LINGO2: variants seen among roughly 807,000 people sequenced by gnomAD.
The protein encoded by LINGO2 is leucine-rich repeat and immunoglobulin-like domain-containing nogo receptor-interacting protein 2.
In LINGO2, 14 loss-of-function variants were observed where a neutral mutation model predicts 30.6. That is an observed-to-expected ratio of 0.46 (90% CI 0.30 to 0.72). LINGO2 has a LOEUF of 0.72. Among genes scored for constraint, LINGO2 ranks in the 30% least tolerant of loss-of-function variants. The pLI is 0.07. For synonymous variants in LINGO2, 317 were observed against 288.5 expected (o/e 1.10, Z -1.00); for missense variants, 729 against 751.7 (o/e 0.97, Z 0.35).
chr9:28,419,462 G>C (rs1308999254), intron 2 of LINGO2, among the ~76,000 whole-genome samples: 1 of 152,002 alleles, frequency 6.6e-6, no homozygotes, highest in Non-Finnish European at 1.5e-5. Context: ...AATGTAAGCT[G>C]TTGTATAAAG....
chr9:28,853,896 A>G, the LINGO2 span, among the ~76,000 whole-genome samples: 1 of 151,940 alleles, frequency 6.6e-6, no homozygotes, highest in Non-Finnish European at 1.5e-5. Context: ...AAACTGTATC[A>G]CCTACCTATA....
At chr9:28,077,695 G>A (rs1265335973) in intron 4 of LINGO2, among the ~76,000 whole-genome samples, 1 of 147,870 alleles carries the variant, frequency 6.8e-6, no homozygotes, top group Non-Finnish European at 1.5e-5. Flanking sequence ...GAGTAGAAAA[G>A]ATGCAAAAAA....
the LINGO2 span, among the ~76,000 whole-genome samples, chr9:29,127,126 C>T: frequency 3.0e-4 from 46 of 152,172 alleles, no homozygotes; most frequent in African/African-American, 9.6e-4. Context: ...AAGTAACCAA[C>T]GGGAAACCTC....
At chr9:28,055,414 G>A (rs1395106504) in intron 4 of LINGO2, among the ~76,000 whole-genome samples, 1 of 152,096 alleles carries the variant, frequency 6.6e-6, no homozygotes, top group African/African-American at 2.4e-5. Context: ...TTTAGCTATT[G>A]CCACATTTCT....
At chr9:28,503,811 G>C (rs1162222331) in intron 1 of LINGO2, among the ~76,000 whole-genome samples, 4 of 151,754 alleles carry the variant, frequency 2.6e-5, no homozygotes, top group Non-Finnish European at 4.4e-5. Flanking sequence ...GAATTAATTA[G>C]TGGGAACATT....
intron 1 of LINGO2, among the ~76,000 whole-genome samples, chr9:28,587,556 G>C (rs1428735915): frequency 3.3e-5 from 5 of 151,818 alleles, no homozygotes; most frequent in Admixed American, 3.3e-4. Context: ...CTGACTGTAG[G>C]ACACCCAGGG....
intron 4 of LINGO2, among the ~76,000 whole-genome samples, chr9:28,054,345 T>TA (rs1246154485): frequency 6.6e-6 from 1 of 152,146 alleles, no homozygotes; most frequent in African/African-American, 2.4e-5. Flanking sequence ...TGGCTATTTT[T>TA]AACACTTTTA....
the LINGO2 span, among the ~76,000 whole-genome samples, chr9:29,082,984 G>C: frequency 6.6e-6 from 1 of 152,146 alleles, no homozygotes. Context: ...CACTGTTGGT[G>C]GGACTGTAAA....
At chr9:27,996,278 C>T (rs1356302362) in intron 5 of LINGO2, among the ~76,000 whole-genome samples, 1 of 152,144 alleles carries the variant, frequency 6.6e-6, no homozygotes, top group African/African-American at 2.4e-5. Context: ...CCAAAAATCT[C>T]ACTGCTGTGT....
chr9:28,312,432 C>G (rs1162958435), intron 3 of LINGO2, among the ~76,000 whole-genome samples: 2 of 151,560 alleles, frequency 1.3e-5, no homozygotes, highest in Admixed American at 1.3e-4. Flanking sequence ...TTAAAATTTT[C>G]AGGAAAAAAT....
At chr9:29,176,710 AC>A in the LINGO2 span, among the ~76,000 whole-genome samples, 6 of 152,356 alleles carry the variant, frequency 3.9e-5, no homozygotes, top group South Asian at 2.1e-4. Context: ...TAGGCAATGT[AC>A]TAGGAAGTAC....
the LINGO2 span, among the ~76,000 whole-genome samples, chr9:28,696,993 T>C: frequency 3.9e-5 from 6 of 152,062 alleles, no homozygotes; most frequent in South Asian, 1.2e-3. Flanking sequence ...TGTTTGTTTA[T>C]CTATTTTTCA....
intron 5 of LINGO2, among the ~76,000 whole-genome samples, chr9:28,004,235 G>C (rs1372945690): frequency 4.0e-5 from 6 of 150,694 alleles, no homozygotes; most frequent in Admixed American, 4.0e-4. Context: ...ATAAGTTTTT[G>C]ATCTTTGTTT....
the LINGO2 span, among the ~76,000 whole-genome samples, chr9:29,194,216 C>T: frequency 6.6e-6 from 1 of 152,136 alleles, no homozygotes. Flanking sequence ...TTCAGGGTGG[C>T]TGGGGCATCC....
At chr9:28,266,475 A>G (rs112250396) in intron 4 of LINGO2, among the ~76,000 whole-genome samples, 2,523 of 152,054 alleles carry the variant, frequency 0.017, 33 homozygotes, top group Middle Eastern at 0.031. Flanking sequence ...CTCTCTCCAA[A>G]TTCCATTTCC....
chr9:29,186,636 A>AG, the LINGO2 span, among the ~76,000 whole-genome samples: 3 of 152,134 alleles, frequency 2.0e-5, no homozygotes, highest in Non-Finnish European at 2.9e-5. Flanking sequence ...GTTCATTATT[A>AG]GTATGGTTGA....
At chr9:28,974,399 C>T in the LINGO2 span, among the ~76,000 whole-genome samples, 1 of 152,134 alleles carries the variant, frequency 6.6e-6, no homozygotes, top group Non-Finnish European at 1.5e-5. Flanking sequence ...GTGGAAGACT[C>T]TGTCTCAAAA....
chr9:28,512,591 G>GCA (rs1820439557), intron 1 of LINGO2, among the ~76,000 whole-genome samples: 1 of 15,828 alleles, frequency 6.3e-5, no homozygotes, highest in African/African-American at 3.0e-4. Flanking sequence ...ATATATATGT[G>GCA]TGTATATATA....
intron 4 of LINGO2, among the ~76,000 whole-genome samples, chr9:28,124,387 AT>A (rs1241148387): frequency 6.6e-6 from 1 of 152,166 alleles, no homozygotes; most frequent in African/African-American, 2.4e-5. Flanking sequence ...TTACACTTCA[AT>A]TTTTTTCCAC....
Sources: allele counts gnomAD v4.1 joint callset (sites outside exome capture counted in the v4.1 genomes callset), GRCh38; gene constraint gnomAD v4.1.1; transcripts MANE v1.5; gene names NCBI Gene and HGNC (gene_info 2026-07-23, HGNC 2026-07-21).